The following ARID5A variants were observed in gnomAD, a reference collection of about 807,000 sequenced individuals.
ARID5A encodes AT-rich interaction domain 5A, also known as AT-rich interactive domain-containing protein 5A.
Under a neutral mutation model 30.5 loss-of-function variants are expected in ARID5A, and 14 were observed. The ratio of observed to expected loss-of-function variants is 0.46; its 90% CI spans 0.30 to 0.72. The LOEUF is 0.72. Among genes scored for constraint, ARID5A ranks in the 30% least tolerant of loss-of-function variants. The pLI, the probability that ARID5A is intolerant of heterozygous loss-of-function variation, is 0.07. For synonymous variants in ARID5A, 338 were observed against 340.4 expected (o/e 0.99, Z 0.08); for missense variants, 669 against 786.2 (o/e 0.85, Z 1.78).
rs1015450589 is a variant in ARID5A at position 96,539,530 on chromosome 2, C to A, written c.4+2700C>A. ...TTGGTTGGGCCCTGGCCAGAGCTGG[C>A]CCCCTACTCTCTCAGGTAACAGGTA... On this transcript the variant is annotated intron_variant, in intron 1 of 6. Transcript: ENST00000357485. The surrounding 1 kb of genome is among the most constrained non-coding windows in gnomAD (Gnocchi z 4.7). 1.3e-5 allele frequency among the ~76,000 whole-genome samples: 2 copies of A among 152,242 alleles called. No individual in the cohort carries two copies. The highest frequency in any genetic ancestry group is 2.9e-5 in the Non-Finnish European group (2 of 68,044).
chr2:96,546,536 T>G (rs2065932233), intron 1 of ARID5A, among the ~76,000 whole-genome samples: 1 of 152,238 alleles, frequency 6.6e-6, no homozygotes, highest in African/African-American at 2.4e-5. Flanking sequence ...GCACCTGCTG[T>G]GTGGGGTATG....
chr2:96,552,293 C>T lies in ARID5A; in HGVS notation c.1765C>T (p.His589Tyr). Residue 589 changes from histidine (H) to tyrosine (Y), a missense_variant, in exon 7 of 7, where the codon CAC becomes TAC. Around this residue, in one of 4 missense-constraint regions of ARID5A, gnomAD observed 548 missense variants for 577.4 expected, o/e 0.95. Transcript: ENST00000357485. ...VTTYAAPHFF[H>Y]LNTKL ...AACCTATGCAGCGCCCCACTTCTTCCACCTCAACACCAAGCTGTAGGCCAG... is the reference window on the plus strand; with the variant it reads ...AACCTATGCAGCGCCCCACTTCTTCTACCTCAACACCAAGCTGTAGGCCAG... 1.2e-6 allele frequency: 2 copies of T among 1,613,150 alleles called. No homozygotes were observed. Among genetic ancestry groups the T allele is most frequent in the South Asian group, 1.1e-5 (1 of 91,042 alleles).
intron 1 of ARID5A, among the ~76,000 whole-genome samples, chr2:96,541,457 T>C (rs2065844452): frequency 6.6e-6 from 1 of 152,224 alleles, no homozygotes; most frequent in African/African-American, 2.4e-5. Flanking sequence ...GCACAGGTCC[T>C]AGCATCCCAC....
In ARID5A at chr2:96,544,546, G is replaced by A. The variant is rs377613111; in HGVS notation, c.5-2856G>A. ...ACAAAGCCTGGATGACAGCACATCT[G>A]TTTATAACATGGTTTACTGAGTATT... On this transcript the variant is annotated intron_variant, in intron 1 of 6. Transcript: ENST00000357485. Among the ~76,000 whole-genome samples the A allele has an allele frequency of 1.6e-3, 244 of 152,248 alleles. 1 individual carries two copies. The highest frequency in any genetic ancestry group is 5.7e-3 in the African/African-American group (235 of 41,490).
At chr2:96,542,236 T>C (rs2065858933) in intron 1 of ARID5A, among the ~76,000 whole-genome samples, 2 of 152,192 alleles carry the variant, frequency 1.3e-5, no homozygotes, top group African/African-American at 4.8e-5. Context: ...CTTGCTCATC[T>C]AATGCTGCAG....
rs964534784 is a variant in ARID5A at position 96,537,892 on chromosome 2, A to G, written c.4+1062A>G. On this transcript the variant is annotated intron_variant, in intron 1 of 6. Coordinates refer to ENST00000357485, the MANE Select transcript of ARID5A (RefSeq NM_212481.3). This position sits in a 1 kb window ranked among gnomAD's most constrained non-coding sequence, Gnocchi z 4.8. ...TTTGTTTGCAGAGTCTTGGGCCAGT[A>G]AGGAGTGCTCCGCGGGCCCCAGGGG... is the stretch of plus-strand genomic sequence containing the variant. The G allele has an allele frequency of 1.0e-6, 1 of 985,412 alleles. No individual in the cohort carries two copies. The highest frequency in any genetic ancestry group is 1.2e-6 in the Non-Finnish European group (1 of 829,994). The allele number at this position is 985,412 out of a possible 1,614,324, so 61.0% of individuals were successfully genotyped here.
rs55941713 is a variant in ARID5A, at chr2:96,550,374, G to A, written c.410+89G>A. 1.3e-4 allele frequency: 190 copies of A among 1,427,058 alleles called. No homozygotes were observed. The highest frequency in any genetic ancestry group is 1.6e-4 in the Non-Finnish European group (178 of 1,096,746). 88.4% of individuals were successfully genotyped at this position (1,427,058 alleles called of 1,614,324 possible). ...CGGGAGGGCCGGGTGGACTCTGCCCGGAGCGGGCAGGGTATGCGCCGTCCT... is the reference window on the plus strand; with the variant it reads ...CGGGAGGGCCGGGTGGACTCTGCCCAGAGCGGGCAGGGTATGCGCCGTCCT... On this transcript the variant is annotated intron_variant, in intron 5 of 6. Coordinates refer to ENST00000357485, the MANE Select transcript of ARID5A (RefSeq NM_212481.3). The surrounding 1 kb of genome is among the most constrained non-coding windows in gnomAD (Gnocchi z 6.6).
chr2:96,538,292 A>C (rs1447604407), intron 1 of ARID5A: 1 of 985,320 alleles, frequency 1.0e-6, no homozygotes, highest in African/African-American at 1.7e-5. Flanking sequence ...CCATCCTGGA[A>C]CTGGGGCTTT....
At position 96,537,755 on chromosome 2, in the gene ARID5A, G is replaced by A. The variant is rs560415391; in HGVS notation, c.4+925G>A. On this transcript the variant is annotated intron_variant, in intron 1 of 6. Coordinates refer to ENST00000357485, the MANE Select transcript of ARID5A (RefSeq NM_212481.3). The surrounding 1 kb of genome is among the most constrained non-coding windows in gnomAD (Gnocchi z 4.8). ...CGTCCCTCCGCGGTGTCTAGGGGTC[G>A]CCCGGGCTGGGGTCGCGTCACCCTC... 2.4e-5 allele frequency: 16 copies of A among 654,628 alleles called. No individual in the cohort carries two copies. The African/African-American group carries it at 2.7e-4, about 11-fold the overall frequency. The allele number at this position is 654,628 out of a possible 1,614,324, so 40.6% of individuals were successfully genotyped here.
chr2:96,543,987 T>C (rs1209813913), intron 1 of ARID5A, among the ~76,000 whole-genome samples: 1 of 152,158 alleles, frequency 6.6e-6, no homozygotes, highest in Non-Finnish European at 1.5e-5. Flanking sequence ...TTGCTGATAA[T>C]GGAGAAAGTT....
intron 1 of ARID5A, among the ~76,000 whole-genome samples, chr2:96,540,161 G>C (rs1463503853): frequency 3.9e-5 from 6 of 152,228 alleles, no homozygotes; most frequent in African/African-American, 1.4e-4. Context: ...ATTTGAGTCG[G>C]TGGAGCATGT....
chr2:96,545,156 C>CTTTTTTTTTTT (rs35156624), intron 1 of ARID5A, among the ~76,000 whole-genome samples: 21 of 116,320 alleles, frequency 1.8e-4, no homozygotes, highest in African/African-American at 2.6e-4. Flanking sequence ...TTTTCTTTTT[C>CTTTTTTTTTTT]TTTTTTTTTT....
Position 96,550,309 on chromosome 2 carries a change from C to CTT in ARID5A, c.410+25_410+26insTT, listed in dbSNP as rs2066008483. The CTT allele has an allele frequency of 1.4e-6, 2 of 1,430,342 alleles. No individual in the cohort carries two copies. Among genetic ancestry groups the CTT allele is most frequent in the Non-Finnish European group, 1.8e-6 (2 of 1,100,600 alleles). 88.6% of individuals were successfully genotyped at this position (1,430,342 alleles called of 1,614,324 possible). The stretch of plus-strand genomic sequence containing the variant: ...AGGTACGGCGGGGCGGGCCCGGGTG[C>CTT]TGGACGCCGCCTACCCTGCGGGGCT... On this transcript the variant is annotated intron_variant, in intron 5 of 6. Coordinates refer to ENST00000357485, the MANE Select transcript of ARID5A (RefSeq NM_212481.3). The surrounding 1 kb of genome is among the most constrained non-coding windows in gnomAD (Gnocchi z 6.6).
intron 1 of ARID5A, among the ~76,000 whole-genome samples, chr2:96,538,610 C>G (rs1055710513): frequency 3.9e-5 from 6 of 152,322 alleles, no homozygotes; most frequent in African/African-American, 1.4e-4. Context: ...GGAGCAAGCT[C>G]GCGTAGACTC....
intron 1 of ARID5A, among the ~76,000 whole-genome samples, chr2:96,543,649 C>T (rs923424660): frequency 3.9e-5 from 6 of 152,166 alleles, no homozygotes; most frequent in African/African-American, 1.2e-4. Flanking sequence ...CCTGCTCCAT[C>T]GACCAGCATT....
At position 96,539,092 on chromosome 2, in the gene ARID5A, GCCTCT is replaced by G. The variant is rs1227851100; in HGVS notation, c.4+2263_4+2267del. ...CTTGGGGAGGGAGCAGGACAGGCAG[GCCTCT>G]GATCTTCTCACTGAGCCTGGCTGTG... On this transcript the variant is annotated intron_variant, in intron 1 of 6. Coordinates refer to ENST00000357485, the MANE Select transcript of ARID5A (RefSeq NM_212481.3). This position sits in a 1 kb window ranked among gnomAD's most constrained non-coding sequence, Gnocchi z 4.7. 6.6e-6 allele frequency among the ~76,000 whole-genome samples: 1 copy of G among 152,190 alleles called. No homozygotes were observed. The highest frequency in any genetic ancestry group is 2.4e-5 in the African/African-American group (1 of 41,434).
At chr2:96,543,633 C>G (rs1254407354) in intron 1 of ARID5A, among the ~76,000 whole-genome samples, 1 of 152,114 alleles carries the variant, frequency 6.6e-6, no homozygotes, top group East Asian at 1.9e-4. Context: ...GTGTGCTCCT[C>G]CTCCACCTGC....
rs907592520 is a variant in ARID5A at position 96,537,738 on chromosome 2, C to T, written c.4+908C>T. 6.6e-5 allele frequency: 32 copies of T among 486,178 alleles called. No individual in the cohort carries two copies. In the Middle Eastern group the frequency reaches 3.2e-3, roughly 48 times the overall value. The allele number at this position is 486,178 out of a possible 1,614,324, so 30.1% of individuals were successfully genotyped here. A position where few individuals can be genotyped will look rare whatever the true frequency, so the allele number is the denominator to read the frequency against. On this transcript the variant is annotated intron_variant, in intron 1 of 6. Coordinates refer to ENST00000357485, the MANE Select transcript of ARID5A (RefSeq NM_212481.3). The surrounding 1 kb of genome is among the most constrained non-coding windows in gnomAD (Gnocchi z 4.8). ...AACCCGGGCCCGCGCTCCGTCCCTC[C>T]GCGGTGTCTAGGGGTCGCCCGGGCT... is the stretch of plus-strand genomic sequence containing the variant.
chr2:96,547,430 G>T lies in ARID5A; in HGVS notation c.33G>T (p.Gln11His). MAAPVKGNRKQSTEGDALDPP... is the reference protein window; with the variant it reads MAAPVKGNRKHSTEGDALDPP... ...CCCCTGTCAAAGGGAACAGGAAGCA[G>T]TCCACGGAGGGTGACGCCCTAGACC... is the stretch of plus-strand genomic sequence containing the variant. Residue 11 changes from glutamine to histidine, a missense_variant, in exon 2 of 7, where the codon CAG (glutamine) becomes CAT (histidine). Gln to His is a conservative substitution (Grantham distance 24, BLOSUM62 0). Transcript: ENST00000357485. 1 of 1,614,016 alleles carries T rather than the reference G, an allele frequency of 6.2e-7. No individual in the cohort carries two copies. Among genetic ancestry groups the T allele is most frequent in the Non-Finnish European group, 8.5e-7 (1 of 1,179,986 alleles).
Sources: allele counts gnomAD v4.1 joint callset (sites outside exome capture counted in the v4.1 genomes callset), GRCh38; gene constraint gnomAD v4.1.1; regional missense constraint gnomAD v4.1.1; non-coding constraint Gnocchi (gnomAD v3.1); transcripts MANE v1.5; gene names NCBI Gene and HGNC (gene_info 2026-07-23, HGNC 2026-07-21).